CDH13: variants seen among roughly 807,000 people sequenced by gnomAD.
CDH13 encodes the protein cadherin-13.
Under a neutral mutation model 63.8 loss-of-function variants are expected in CDH13, and 24 were observed. That is an observed-to-expected ratio of 0.38 (90% confidence interval 0.27 to 0.53). CDH13 has a LOEUF of 0.53. Among genes scored for constraint, CDH13 ranks in the 20% least tolerant of loss-of-function variants. The probability of loss-of-function intolerance (pLI) is 0.85; values close to 1 mark genes in which losing one functional copy is unlikely to be tolerated. For missense variants in CDH13, 1,049 were observed against 903.1 expected (o/e 1.16, Z -2.07); for synonymous variants, 503 against 355.3 (o/e 1.42, Z -4.67).
At chr16:83,422,750 A>C (rs116365257) in intron 6 of CDH13, among the ~76,000 whole-genome samples, 1 of 152,236 alleles carries the variant, frequency 6.6e-6, no homozygotes, top group South Asian at 2.1e-4. Context: ...AGATTACCCA[A>C]AGTTGCCCCA....
In CDH13 at chr16:82,877,872, C is replaced by G. The variant is rs192274666; in HGVS notation, c.157+19399C>G. 8.4e-4 allele frequency among the ~76,000 whole-genome samples: 125 copies of G among 148,294 alleles called. 3 individuals are homozygous for G. Among genetic ancestry groups the G allele is most frequent in the Admixed American group, 8.4e-3 (123 of 14,718 alleles). On this transcript the variant is annotated intron_variant, in intron 2 of 13. Coordinates refer to ENST00000567109, the MANE Select transcript of CDH13 (RefSeq NM_001257.5). Reference sequence around the variant, plus strand: ...AGACCTGAACCTCTAGGACTCAAACCCTGTCATGATTCTTGAGGAGAGAGG... The same window carrying G: ...AGACCTGAACCTCTAGGACTCAAACGCTGTCATGATTCTTGAGGAGAGAGG...
At chr16:82,944,146 G>C (rs574380067) in intron 2 of CDH13, among the ~76,000 whole-genome samples, 9 of 152,266 alleles carry the variant, frequency 5.9e-5, no homozygotes, top group African/African-American at 1.9e-4. Flanking sequence ...AATCGTCTTA[G>C]GAGAACTGAG....
chr16:83,366,789 CAGA>C (rs1274944836), intron 6 of CDH13, among the ~76,000 whole-genome samples: 1 of 152,064 alleles, frequency 6.6e-6, no homozygotes, highest in Non-Finnish European at 1.5e-5. Context: ...ATGGGGAGCA[CAGA>C]AGGTCATGGT....
intron 10 of CDH13, among the ~76,000 whole-genome samples, chr16:83,720,907 A>G (rs975581119): frequency 6.6e-6 from 1 of 152,174 alleles, no homozygotes; most frequent in African/African-American, 2.4e-5. Flanking sequence ...TGTGCCTGAA[A>G]TGGACTGGCC....
At chr16:83,169,123 A>G (rs779425424) in intron 4 of CDH13, among the ~76,000 whole-genome samples, 27 of 152,088 alleles carry the variant, frequency 1.8e-4, no homozygotes, top group Non-Finnish European at 3.2e-4. Context: ...GGTATATGAC[A>G]TCTATGGCAT....
chr16:82,730,459 C>T (rs939444161), intron 1 of CDH13, among the ~76,000 whole-genome samples: 2 of 152,164 alleles, frequency 1.3e-5, no homozygotes, highest in African/African-American at 4.8e-5. Context: ...TAAGGCCATA[C>T]ACATACAACA....
intron 3 of CDH13, among the ~76,000 whole-genome samples, chr16:83,076,464 C>T (rs1344568281): frequency 2.0e-5 from 3 of 152,138 alleles, no homozygotes; most frequent in South Asian, 4.1e-4. Context: ...CCTGTCCTGA[C>T]ATTTCATAAA....
intron 8 of CDH13, among the ~76,000 whole-genome samples, chr16:83,626,110 C>T (rs1387098107): frequency 1.3e-5 from 2 of 151,860 alleles, no homozygotes; most frequent in Non-Finnish European, 2.9e-5. Context: ...TCCAAGGCTC[C>T]AATGGTCCTC....
chr16:83,628,158 T>G (rs1329102118), intron 8 of CDH13, among the ~76,000 whole-genome samples: 7 of 152,236 alleles, frequency 4.6e-5, no homozygotes, highest in African/African-American at 1.7e-4. Flanking sequence ...TTATCCTGTT[T>G]ATGCCTAACC....
chr16:83,749,142 C>G (rs1912862586), intron 11 of CDH13, among the ~76,000 whole-genome samples: 1 of 152,184 alleles, frequency 6.6e-6, no homozygotes, highest in Non-Finnish European at 1.5e-5. Flanking sequence ...CCTATTATTC[C>G]TAAAAGCCAG....
chr16:83,736,728 A>C (rs149826179), intron 10 of CDH13, among the ~76,000 whole-genome samples: 167 of 152,352 alleles, frequency 1.1e-3, no homozygotes, highest in African/African-American at 3.8e-3. Context: ...ATGGACTAGC[A>C]AGCCCTGACT....
intron 5 of CDH13, among the ~76,000 whole-genome samples, chr16:83,266,988 G>T (rs921350760): frequency 6.6e-6 from 1 of 152,150 alleles, no homozygotes; most frequent in South Asian, 2.1e-4. Flanking sequence ...AGTTATGACT[G>T]TTGTTGCCCC....
intron 3 of CDH13, among the ~76,000 whole-genome samples, chr16:83,052,139 C>T (rs745352384): frequency 8.5e-5 from 13 of 152,110 alleles, no homozygotes; most frequent in Middle Eastern, 3.4e-3. Flanking sequence ...CATGTCCATA[C>T]GACTTAATAT....
chr16:82,718,279 C>T (rs981575636), intron 1 of CDH13, among the ~76,000 whole-genome samples: 2 of 152,146 alleles, frequency 1.3e-5, no homozygotes, highest in Admixed American at 6.6e-5. Context: ...TACCAACTCC[C>T]CTTCTATTAT....
Position 83,780,034 on chromosome 16 carries a change from C to T in CDH13, c.1748C>T (p.Pro583Leu). The T allele has an allele frequency of 1.9e-6, 3 of 1,613,920 alleles. No individual in the cohort carries two copies. Among genetic ancestry groups the T allele is most frequent in the Non-Finnish European group, 8.5e-7 (1 of 1,179,876 alleles). The change falls in exon 12 of 14, where the codon CCG becomes CTG. Residue 583 changes from proline to leucine, a missense_variant. Transcript: ENST00000567109. ...CTGGAGGACGTGAATGACAATGCCC[C>T]GTTCATTTACCCCACAGTAGCTGAA... ...ITLEDVNDNA[P>L]FIYPTVAEVC...
chr16:83,457,995 G>A (rs2073069852), intron 6 of CDH13, among the ~76,000 whole-genome samples: 1 of 152,212 alleles, frequency 6.6e-6, no homozygotes, highest in Non-Finnish European at 1.5e-5. Flanking sequence ...GGTCCCGGGG[G>A]CAGAATGGGA....
rs574711765 is a variant in CDH13, at chr16:83,422,529, T to G, written c.782-63948T>G. Among the ~76,000 whole-genome samples, 8 of 152,344 alleles carry G rather than the reference T, an allele frequency of 5.3e-5. No homozygotes were observed. In the South Asian group the frequency reaches 1.5e-3, roughly 28 times the overall value. Reference sequence around the variant, plus strand: ...AAAAGAGTTTAATTTCTTGCACGAATTAATTAATACTTACGATAAATGTCT... The same window carrying G: ...AAAAGAGTTTAATTTCTTGCACGAAGTAATTAATACTTACGATAAATGTCT... On this transcript the variant is annotated intron_variant, in intron 6 of 13. Coordinates refer to ENST00000567109, the MANE Select transcript of CDH13 (RefSeq NM_001257.5).
At chr16:83,441,352 A>T (rs897824443) in intron 6 of CDH13, among the ~76,000 whole-genome samples, 1 of 152,206 alleles carries the variant, frequency 6.6e-6, no homozygotes, top group Non-Finnish European at 1.5e-5. Flanking sequence ...TACATTTACA[A>T]TTGGCAAAAT....
chr16:83,745,844 T>G (rs1362249896), intron 10 of CDH13, among the ~76,000 whole-genome samples: 2 of 152,052 alleles, frequency 1.3e-5, no homozygotes, highest in African/African-American at 2.4e-5. Context: ...AACTCTATCC[T>G]CAGAGGCCAC....
Sources: allele counts gnomAD v4.1 joint callset (sites outside exome capture counted in the v4.1 genomes callset), GRCh38; gene constraint gnomAD v4.1.1; transcripts MANE v1.5; gene names NCBI Gene and HGNC (gene_info 2026-07-23, HGNC 2026-07-21).